SESTD1: variants seen among roughly 807,000 people sequenced by gnomAD.
SESTD1 encodes SEC14 and spectrin domain containing 1.
SESTD1 carries 43 observed loss-of-function variants against 101.7 expected under a neutral mutation model. The observed-to-expected ratio is 0.42, with a 90% CI of 0.33 to 0.55. The LOEUF is 0.55. SESTD1 is among the 20% of genes least tolerant of loss of function. SESTD1 has a pLI of 0.07. For synonymous variants in SESTD1, 283 were observed against 286.8 expected, an observed-to-expected ratio of 0.99 and a Z score of 0.13; for missense variants, 647 against 815.1, an observed-to-expected ratio of 0.79 and a Z score of 2.51.
chr2:179,217,660 A>T (rs1483871588), intron 1 of SESTD1, among the ~76,000 whole-genome samples: 1 of 152,206 alleles, frequency 6.6e-6, no homozygotes, highest in African/African-American at 2.4e-5. Flanking sequence ...AAATCATGGT[A>T]CTATAAAGAC....
At chr2:179,190,269 T>C (rs1028016849) in intron 2 of SESTD1, among the ~76,000 whole-genome samples, 6 of 152,034 alleles carry the variant, frequency 3.9e-5, no homozygotes, top group African/African-American at 7.2e-5. Context: ...CTTCTGATCT[T>C]CAACAAAACA....
rs1047676208 is a variant in SESTD1 at position 179,209,433 on chromosome 2, A to G, written c.-25-17567T>C. Among the ~76,000 whole-genome samples, 17 of 135,050 alleles carry G rather than the reference A, an allele frequency of 1.3e-4. 1 individual carries two copies. The highest frequency in any genetic ancestry group is 1.8e-4 in the Non-Finnish European group (11 of 62,720). 88.6% of individuals were successfully genotyped at this position (135,050 alleles called of 152,430 possible). A position where few individuals can be genotyped will look rare whatever the true frequency, so the allele number is the denominator to read the frequency against. On this transcript the variant is annotated intron_variant, in intron 1 of 17. Transcript: ENST00000428443. Reference sequence around the variant, plus strand: ...ATGAAGAATATAGATTCTTTTCATCAGCATATGGAACATTCTCCAAGACAG... The same window carrying G: ...ATGAAGAATATAGATTCTTTTCATCGGCATATGGAACATTCTCCAAGACAG...
chr2:179,183,455 C>T (rs1193255757), intron 2 of SESTD1, among the ~76,000 whole-genome samples: 1 of 152,014 alleles, frequency 6.6e-6, no homozygotes, highest in African/African-American at 2.4e-5. Flanking sequence ...ATTTACTGTC[C>T]TTAATGTAAT....
At chr2:179,159,598 G>T (rs1292567285) in intron 5 of SESTD1, among the ~76,000 whole-genome samples, 1 of 152,136 alleles carries the variant, frequency 6.6e-6, no homozygotes, top group Non-Finnish European at 1.5e-5. Context: ...TCAGGGTAAT[G>T]CAACAAAACA....
In SESTD1 at chr2:179,107,017, T is replaced by C. The variant is rs114409940; in HGVS notation, c.*2882A>G. ...GAAACTAACCCTGCCAGCGTTTCAA[T>C]AATTCCCTGAGATGGGCTAAAGGAA... On this transcript the variant is annotated 3_prime_UTR_variant, in exon 18 of 18. Coordinates refer to ENST00000428443, the MANE Select transcript of SESTD1 (RefSeq NM_178123.5). 4,015 of 152,216 alleles carry C rather than the reference T, an allele frequency of 0.026. 83 individuals carry two copies. The highest frequency in any genetic ancestry group is 0.035 in the Admixed American group (531 of 15,290). The allele number at this position is 152,216 out of a possible 1,614,324, so 9.4% of individuals were successfully genotyped here. A position where few individuals can be genotyped will look rare whatever the true frequency, so the allele number is the denominator to read the frequency against.
chr2:179,252,740 G>A, intron 1 of SESTD1, among the ~76,000 whole-genome samples: 1 of 152,128 alleles, frequency 6.6e-6, no homozygotes, highest in Admixed American at 6.5e-5. Context: ...TACCACACCT[G>A]GGAGAATCTG....
chr2:179,142,152 G>A (rs973319800), intron 9 of SESTD1, among the ~76,000 whole-genome samples: 1 of 152,124 alleles, frequency 6.6e-6, no homozygotes, highest in Non-Finnish European at 1.5e-5. Context: ...CACACATATT[G>A]GTTTATACAA....
At chr2:179,164,634 T>C (rs1354352058) in intron 5 of SESTD1, among the ~76,000 whole-genome samples, 3 of 152,096 alleles carry the variant, frequency 2.0e-5, no homozygotes, top group African/African-American at 4.8e-5. Context: ...ATGTCAGAGA[T>C]AGGAAGGATA....
Position 179,209,071 on chromosome 2 carries a change from C to T in SESTD1, c.-25-17205G>A, listed in dbSNP as rs1018236125. 3.7e-5 allele frequency among the ~76,000 whole-genome samples: 5 copies of T among 134,270 alleles called. 1 individual carries two copies. Among genetic ancestry groups the T allele is most frequent in the Non-Finnish European group, 6.4e-5 (4 of 62,504 alleles). The allele number at this position is 134,270 out of a possible 152,430, so 88.1% of individuals were successfully genotyped here. Reference sequence around the variant, plus strand: ...GGACACCAAAAGTGAGCAGGCGTGGCGTAGCTATTCTTCTATCAGACAAAA... The same window carrying T: ...GGACACCAAAAGTGAGCAGGCGTGGTGTAGCTATTCTTCTATCAGACAAAA... On this transcript the variant is annotated intron_variant, in intron 1 of 17. Transcript: ENST00000428443.
intron 8 of SESTD1, among the ~76,000 whole-genome samples, chr2:179,144,366 T>C (rs2045350257): frequency 6.6e-6 from 1 of 152,060 alleles, no homozygotes; most frequent in Admixed American, 6.6e-5. Flanking sequence ...AAGTACAAAA[T>C]AATATTTATA....
chr2:179,153,162 A>G (rs568770175), intron 5 of SESTD1, among the ~76,000 whole-genome samples: 2 of 152,252 alleles, frequency 1.3e-5, no homozygotes, highest in Non-Finnish European at 2.9e-5. Context: ...ACATATTCCT[A>G]TTAAAAAGTG....
rs1167554829 is a variant in SESTD1 at position 179,213,115 on chromosome 2, C to T, written c.-25-21249G>A. 5.2e-5 allele frequency among the ~76,000 whole-genome samples: 7 copies of T among 134,988 alleles called. 1 individual carries two copies. The highest frequency in any genetic ancestry group is 4.3e-4 in the Admixed American group (6 of 13,898). The allele number at this position is 134,988 out of a possible 152,430, so 88.6% of individuals were successfully genotyped here. On this transcript the variant is annotated intron_variant, in intron 1 of 17. Transcript: ENST00000428443. ...CCTACAAAGGATCACAGCTCCTAGC[C>T]AGCAAAGGAACAAAGCTGGATGGAG...
chr2:179,175,114 T>C (rs1034038774), intron 4 of SESTD1, among the ~76,000 whole-genome samples: 1 of 152,156 alleles, frequency 6.6e-6, no homozygotes, highest in Non-Finnish European at 1.5e-5. Flanking sequence ...GGGGCTTACT[T>C]AGACTATACT....
In SESTD1 at chr2:179,222,020, T is replaced by G. The variant is rs181232425; in HGVS notation, c.-25-30154A>C. ...TCTGCAAATTTTCAATCTGGTCAAC[T>G]ATTAAACTTGTTCAATTATTAAAAT... On this transcript the variant is annotated intron_variant, in intron 1 of 17. Coordinates refer to ENST00000428443, the MANE Select transcript of SESTD1 (RefSeq NM_178123.5). 5.3e-5 allele frequency among the ~76,000 whole-genome samples: 8 copies of G among 152,346 alleles called. 1 individual carries two copies. The East Asian group carries it at 1.5e-3, about 29-fold the overall frequency.
chr2:179,235,696 C>T (rs552152951), intron 1 of SESTD1, among the ~76,000 whole-genome samples: 47 of 152,290 alleles, frequency 3.1e-4, no homozygotes, highest in African/African-American at 8.7e-4. Flanking sequence ...CCCGCCTTTA[C>T]GCACTTGCAA....
intron 9 of SESTD1, among the ~76,000 whole-genome samples, chr2:179,141,276 T>C (rs1043851210): frequency 1.3e-5 from 2 of 152,134 alleles, no homozygotes; most frequent in Non-Finnish European, 2.9e-5. Flanking sequence ...GGCAACACCA[T>C]TATCTTGCAA....
At chr2:179,156,848 T>C (rs900910168) in intron 5 of SESTD1, among the ~76,000 whole-genome samples, 1 of 152,226 alleles carries the variant, frequency 6.6e-6, no homozygotes, top group African/African-American at 2.4e-5. Flanking sequence ...TATTTATCTT[T>C]GTTTTTATTG....
chr2:179,146,455 G>T lies in SESTD1; in HGVS notation c.584C>A (p.Ser195Tyr). 1.2e-6 allele frequency: 2 copies of T among 1,612,282 alleles called. No homozygotes were observed. The highest frequency in any genetic ancestry group is 1.1e-5 in the South Asian group (1 of 90,682). Residue 195 changes from serine (S) to tyrosine (Y), a missense_variant and splice_region_variant, in exon 8 of 18, where the codon TCT becomes TAT. Ser to Tyr is a moderately radical substitution (Grantham distance 144, BLOSUM62 -2). Transcript: ENST00000428443. Reference sequence around the variant, plus strand: ...CGATGGAAGAAAGTTTAAATCCACAGACCTGGAAAACACCAAAGGAGTAAT... The same window carrying T: ...CGATGGAAGAAAGTTTAAATCCACATACCTGGAAAACACCAAAGGAGTAAT... ...DKGNQQEKER[S>Y]VDLNFLPSVD...
At chr2:179,231,399 AAAC>A (rs1272372755) in intron 1 of SESTD1, among the ~76,000 whole-genome samples, 2 of 152,090 alleles carry the variant, frequency 1.3e-5, no homozygotes, top group Non-Finnish European at 2.9e-5. Flanking sequence ...ACACCATTAA[AAAC>A]AACATAATAG....
Sources: gnomAD v4.1 joint callset for allele counts (sites outside exome capture counted in the v4.1 genomes callset) on GRCh38, gnomAD v4.1.1 for gene constraint, MANE v1.5 for transcripts, NCBI Gene and HGNC (gene_info 2026-07-23, HGNC 2026-07-21) for gene names.